The following ANXA8 variants were observed in gnomAD, a reference collection of about 807,000 sequenced individuals.
ANXA8 encodes annexin A8.
ANXA8 carries 9 observed loss-of-function variants against 26.8 expected under a neutral mutation model. The observed-to-expected ratio is 0.34, with a 90% CI of 0.20 to 0.59. The LOEUF (loss-of-function observed/expected upper bound fraction) is 0.59. ANXA8 is among the 20% of genes least tolerant of loss of function. The pLI is 0.84. For missense variants in ANXA8, 83 were observed against 238.5 expected (o/e 0.35, Z 4.29); for synonymous variants, 39 against 94.8 (o/e 0.41, Z 3.42).
chr10:47,529,266 TA>T, the ANXA8 span, among the ~76,000 whole-genome samples: 1 of 144,754 alleles, frequency 6.9e-6, no homozygotes, highest in Admixed American at 7.0e-5. Flanking sequence ...TGAGAAAAAT[TA>T]AATTATAAAA....
the ANXA8 span, among the ~76,000 whole-genome samples, chr10:47,558,348 T>A: frequency 6.6e-6 from 1 of 151,998 alleles, no homozygotes; most frequent in Admixed American, 6.5e-5. Context: ...ATGTGTCTAA[T>A]GGCATCAGCT....
the ANXA8 span, among the ~76,000 whole-genome samples, chr10:47,655,641 T>G: frequency 6.6e-6 from 1 of 151,948 alleles, no homozygotes; most frequent in Non-Finnish European, 1.5e-5. Flanking sequence ...TATGACAGAA[T>G]ACAGGATCCA....
the ANXA8 span, among the ~76,000 whole-genome samples, chr10:47,970,876 G>A: frequency 9.2e-5 from 14 of 151,406 alleles, no homozygotes; most frequent in African/African-American, 3.4e-4. Context: ...TAAGGTGCTG[G>A]GCACACCAGA....
chr10:47,502,534 A>G, the ANXA8 span: 1 of 1,612,734 alleles, frequency 6.2e-7, no homozygotes, highest in African/African-American at 1.3e-5. Flanking sequence ...AATAGATGAC[A>G]TAACCTTCCT....
At chr10:47,573,271 C>T in the ANXA8 span, among the ~76,000 whole-genome samples, 11 of 149,298 alleles carry the variant, frequency 7.4e-5, no homozygotes, top group Non-Finnish European at 1.2e-4. Flanking sequence ...CGTGAGCCAC[C>T]GTGCCCAGCC....
At chr10:47,577,440 A>G in the ANXA8 span, among the ~76,000 whole-genome samples, 1 of 150,034 alleles carries the variant, frequency 6.7e-6, no homozygotes, top group Non-Finnish European at 1.5e-5. Context: ...AGGCTGAGAC[A>G]GGAGGATTGC....
the ANXA8 span, among the ~76,000 whole-genome samples, chr10:47,640,798 C>T: frequency 7.6e-6 from 1 of 132,130 alleles, no homozygotes; most frequent in Non-Finnish European, 1.6e-5. Flanking sequence ...GTATGAATTC[C>T]TTTATTTCAG....
the ANXA8 span, among the ~76,000 whole-genome samples, chr10:47,984,961 G>C: frequency 1.5e-5 from 2 of 136,796 alleles, no homozygotes; most frequent in East Asian, 4.5e-4. Flanking sequence ...ATTAAAGAAA[G>C]AATTGATAAA....
the ANXA8 span, among the ~76,000 whole-genome samples, chr10:47,646,322 A>T: frequency 1.4e-5 from 2 of 140,376 alleles, no homozygotes; most frequent in South Asian, 4.5e-4. Flanking sequence ...ACACTAAGAG[A>T]TAGCTAGCTA....
At chr10:47,649,536 G>A in the ANXA8 span, among the ~76,000 whole-genome samples, 1 of 151,208 alleles carries the variant, frequency 6.6e-6, no homozygotes, top group Non-Finnish European at 1.5e-5. Context: ...AGTCTCCCAA[G>A]TAGCTGGGAC....
In ANXA8 at chr10:47,483,857, G is replaced by T. The variant is rs1197851941; in HGVS notation, c.21+56C>A. On this transcript the variant is annotated intron_variant, in intron 1 of 11. Transcript: ENST00000585281. ...ACTTTACATTTCTCAGGACTCCCTG[G>T]TGACCAGCACCCAACACCATGCAGG... 284 of 1,611,522 alleles carry T rather than the reference G, an allele frequency of 1.8e-4. 1 individual carries two copies. The highest frequency in any genetic ancestry group is 4.3e-4 in the Admixed American group (26 of 59,974).
chr10:47,707,083 CACT>C, the ANXA8 span, among the ~76,000 whole-genome samples: 19 of 142,854 alleles, frequency 1.3e-4, 4 homozygotes, highest in Non-Finnish European at 2.7e-4. Context: ...CATATTGTTA[CACT>C]ACTATTAACT....
At chr10:47,685,614 G>C in the ANXA8 span, among the ~76,000 whole-genome samples, 2 of 151,802 alleles carry the variant, frequency 1.3e-5, no homozygotes, top group Admixed American at 6.6e-5. Context: ...GCTCGGTATA[G>C]ATATGTAAAG....
At chr10:47,528,064 C>T in the ANXA8 span, among the ~76,000 whole-genome samples, 5 of 140,262 alleles carry the variant, frequency 3.6e-5, 2 homozygotes, top group African/African-American at 5.2e-5. Context: ...CTTTTGATCA[C>T]CTTTATTTTA....
chr10:47,946,721 C>T, the ANXA8 span, among the ~76,000 whole-genome samples: 1 of 151,176 alleles, frequency 6.6e-6, no homozygotes, highest in African/African-American at 2.4e-5. Context: ...GAGACAGAGT[C>T]TCCCTTTTTC....
chr10:47,674,959 C>T, the ANXA8 span, among the ~76,000 whole-genome samples: 9 of 150,212 alleles, frequency 6.0e-5, no homozygotes, highest in Non-Finnish European at 1.3e-4. Context: ...GAGACTAAAG[C>T]ATGTAGTATA....
chr10:47,484,920 C>T (rs1343067711), upstream of ANXA8, among the ~76,000 whole-genome samples: 8 of 148,390 alleles, frequency 5.4e-5, no homozygotes, highest in Admixed American at 4.1e-4. Flanking sequence ...AGCGTCCTCC[C>T]GGCTGGCTCG....
chr10:47,762,931 CGGGTCCCGGGCGCCAGGGGCGCCAG>C, the ANXA8 span: 1 of 1,359,128 alleles, frequency 7.4e-7, no homozygotes, highest in Non-Finnish European at 9.5e-7. Context: ...CCAGCCAGGG[CGGGTCCCGGGCGCCAGGGGCGCCAG>C]GGGCTCCCTG....
chr10:47,484,551 T>C (rs2132442365), upstream of ANXA8: 1 of 1,458,446 alleles, frequency 6.9e-7, no homozygotes, highest in East Asian at 2.5e-5. Flanking sequence ...GCCATACTGG[T>C]CCACTGTCAG....
Sources: gnomAD v4.1 joint callset for allele counts (sites outside exome capture counted in the v4.1 genomes callset) on GRCh38, gnomAD v4.1.1 for gene constraint, MANE v1.5 for transcripts, NCBI Gene and HGNC (gene_info 2026-07-23, HGNC 2026-07-21) for gene names.